RIF1: variants seen among roughly 807,000 people sequenced by gnomAD.
The protein encoded by RIF1 is replication timing regulatory factor 1, also known as telomere-associated protein RIF1.
RIF1 carries 45 observed loss-of-function variants against 247.1 expected under a neutral mutation model. That is an observed-to-expected ratio of 0.18 (90% CI 0.14 to 0.23). The LOEUF is 0.23. Among genes scored for constraint, RIF1 ranks in the 10% least tolerant of loss-of-function variants. RIF1 has a pLI of 1.00. For synonymous variants in RIF1, 1,087 were observed against 978.8 expected (o/e 1.11, Z -2.06); for missense variants, 2,967 against 2,862.5 (o/e 1.04, Z -0.83).
At chr2:151,505,776 C>A (rs2068360212) in intron 12 of RIF1, among the ~76,000 whole-genome samples, 1 of 152,170 alleles carries the variant, frequency 6.6e-6, no homozygotes, top group African/African-American at 2.4e-5. Context: ...TTGTCTCTCT[C>A]TCGTCTCTTT....
intron 21 of RIF1, 119 bp from the exon 22 acceptor site, chr2:151,454,775 CA>C (rs1479844004): frequency 3.0e-6 from 2 of 661,816 alleles, no homozygotes; most frequent in South Asian, 2.4e-5. Context: ...TGTCAGTCAG[CA>C]AACGGACATG....
At chr2:151,524,210 C>G in the RIF1 span, 1 of 989,048 alleles carries the variant, frequency 1.0e-6, no homozygotes, top group South Asian at 1.5e-5. Flanking sequence ...CTATTACAGA[C>G]CCAGCATCCC....
At chr2:151,491,987 G>GA in intron 9 of RIF1, 1 of 1,227,010 alleles carries the variant, frequency 8.1e-7, no homozygotes, top group Non-Finnish European at 1.2e-6. Flanking sequence ...TGCACCTCTA[G>GA]AAAAACAGAT....
chr2:151,466,078 A>T lies in RIF1; in HGVS notation c.6558A>T (p.Leu2186=), dbSNP rs760452886. 6 of 1,600,734 alleles carry T rather than the reference A, an allele frequency of 3.7e-6. No individual in the cohort carries two copies. In the South Asian group the frequency reaches 6.7e-5, roughly 18 times the overall value. Reference sequence around the variant, plus strand: ...CTACGAGCATTTTAAAGAGAGGACTAAAAAGATCCCAAGAAGATGAAATCT... The same window carrying T: ...CTACGAGCATTTTAAAGAGAGGACTTAAAAGATCCCAAGAAGATGAAATCT... ...SPSTSILKRG[L]KRSQEDEISS... The change falls in exon 30 of 36, where the codon CTA becomes CTT. Residue 2186 remains leucine (L), a synonymous_variant. Coordinates refer to ENST00000444746, the MANE Select transcript of RIF1 (RefSeq NM_018151.5).
chr2:151,498,378 CAAA>C, intron 10 of RIF1: 2 of 1,472,816 alleles, frequency 1.4e-6, no homozygotes, highest in South Asian at 2.5e-5. Context: ...GCATCCAGAA[CAAA>C]AAAAGCAATC....
At chr2:151,443,462 TTTG>T (rs1692719984) in intron 17 of RIF1, 64 bp from the exon 18 acceptor site, 10 of 1,438,612 alleles carry the variant, frequency 7.0e-6, no homozygotes, top group Non-Finnish European at 9.4e-6. Context: ...ATTTTAGAAT[TTTG>T]TTAACATTAA....
Position 151,465,231 on chromosome 2 carries a change from G to T in RIF1, c.5711G>T (p.Cys1904Phe), listed in dbSNP as rs1696724372. 6.2e-7 allele frequency: 1 copy of T among 1,610,606 alleles called. No individual in the cohort carries two copies. The highest frequency in any genetic ancestry group is 2.2e-5 in the East Asian group (1 of 44,848). ...LENVTVEGNA[C>F]KVTESNLEKA... ...AATGTTACTGTTGAAGGAAATGCATGTAAAGTAACAGAATCCAATCTAGAG... is the reference window on the plus strand; with the variant it reads ...AATGTTACTGTTGAAGGAAATGCATTTAAAGTAACAGAATCCAATCTAGAG... The change falls in exon 30 of 36, where the codon TGT becomes TTT. Residue 1904 changes from cysteine to phenylalanine, a missense_variant. This residue lies in a region of RIF1 where 2,028 missense variants were observed against 1,825.6 expected (regional missense o/e 1.11). Coordinates refer to ENST00000444746, the MANE Select transcript of RIF1 (RefSeq NM_018151.5).
chr2:151,463,643 G>A lies in RIF1; in HGVS notation c.4123G>A (p.Glu1375Lys), dbSNP rs763383423. The A allele has an allele frequency of 3.7e-6, 6 of 1,613,598 alleles. No homozygotes were observed. The Admixed American group carries it at 6.7e-5, about 18-fold the overall frequency. ...ATTATTGGAAACTAATACTGTAGAG[G>A]AGAAAAATGTAGAAATTAATTTGGA... ...AVLLETNTVE[E>K]KNVEINLESK... is the part of the protein sequence containing the mutation. The change falls in exon 30 of 36, where the codon GAG (glutamate) becomes AAG (lysine). Residue 1375 changes from glutamate (E) to lysine (K), a missense_variant. Around this residue, in one of 7 missense-constraint regions of RIF1, gnomAD observed 2,028 missense variants for 1,825.6 expected, o/e 1.11. Transcript: ENST00000444746.
chr2:151,519,014 T>C, the RIF1 span: 1 of 1,613,750 alleles, frequency 6.2e-7, no homozygotes, highest in Non-Finnish European at 8.5e-7. Flanking sequence ...GATCAGAGAC[T>C]CCTTCATGTC....
In RIF1 at chr2:151,475,859, T is replaced by A. The variant is rs1652028765; in HGVS notation, c.*788T>A. The A allele has an allele frequency of 6.6e-6, 1 of 152,654 alleles. No homozygotes were observed. The highest frequency in any genetic ancestry group is 6.5e-5 in the Admixed American group (1 of 15,278). The allele number at this position is 152,654 out of a possible 1,614,324, so 9.5% of individuals were successfully genotyped here. On this transcript the variant is annotated 3_prime_UTR_variant, in exon 36 of 36. Coordinates refer to ENST00000444746, the MANE Select transcript of RIF1 (RefSeq NM_018151.5). ...CTGCAGCTTATTGTGAATACCTTGGTTCTGTTCAATAGAAACATTTTGTAT... is the reference window on the plus strand; with the variant it reads ...CTGCAGCTTATTGTGAATACCTTGGATCTGTTCAATAGAAACATTTTGTAT...
chr2:151,448,187 G>A (rs1009485116), intron 20 of RIF1, among the ~76,000 whole-genome samples: 19 of 151,926 alleles, frequency 1.3e-4, no homozygotes, highest in African/African-American at 4.3e-4. Flanking sequence ...GGGACTACAG[G>A]TGTGCACCAC....
At chr2:151,519,599 A>G in the RIF1 span, 4 of 1,293,212 alleles carry the variant, frequency 3.1e-6, no homozygotes, top group Non-Finnish European at 4.5e-6. Context: ...TGCACACTTA[A>G]AAACAGTTAA....
intron 11 of RIF1, chr2:151,502,983 T>A: frequency 1.4e-6 from 1 of 695,646 alleles, no homozygotes; most frequent in South Asian, 1.8e-5. Flanking sequence ...GAGGAGGCAG[T>A]TTTTTAGTAA....
the RIF1 span, chr2:151,524,330 G>A: frequency 1.2e-6 from 2 of 1,613,800 alleles, no homozygotes; most frequent in Admixed American, 1.7e-5. Context: ...CAGCTTGGCT[G>A]CCTTCTTGGC....
intron 12 of RIF1, chr2:151,505,432 A>G: frequency 6.7e-7 from 1 of 1,485,462 alleles, no homozygotes; most frequent in South Asian, 1.1e-5. Context: ...GTAGCAATTG[A>G]GAGATGGCCA....
intron 20 of RIF1, among the ~76,000 whole-genome samples, chr2:151,447,433 A>C (rs1279441803): frequency 6.6e-6 from 1 of 152,244 alleles, no homozygotes; most frequent in Non-Finnish European, 1.5e-5. Context: ...AACTTTTCGT[A>C]AAACACTGTC....
intron 8 of RIF1, chr2:151,423,831 AT>A (rs1341121629): frequency 6.6e-6 from 1 of 152,226 alleles, no homozygotes; most frequent in Admixed American, 6.5e-5. Context: ...TGTTCTAACC[AT>A]TTGTAAATGA....
At chr2:151,458,035 AAT>A (rs1553490505) in intron 24 of RIF1, 72 bp downstream of exon 24, 2 of 1,109,098 alleles carry the variant, frequency 1.8e-6, no homozygotes, top group Non-Finnish European at 2.7e-6. Flanking sequence ...CTTTGATTCA[AAT>A]AATCTTTTCT....
At position 151,463,683 on chromosome 2, in the gene RIF1, C is replaced by T. The variant is rs1476339344; in HGVS notation, c.4163C>T (p.Thr1388Ile). 1 of 1,613,722 alleles carries T rather than the reference C, an allele frequency of 6.2e-7. No individual in the cohort carries two copies. The highest frequency in any genetic ancestry group is 8.5e-7 in the Non-Finnish European group (1 of 1,179,878). Residue 1388 changes from threonine to isoleucine, a missense_variant, in exon 30 of 36, where the codon ACA becomes ATA. By Grantham distance (89) the Thr-to-Ile change is moderately conservative. This residue lies in a region of RIF1 where 2,028 missense variants were observed against 1,825.6 expected (regional missense o/e 1.11). Coordinates refer to ENST00000444746, the MANE Select transcript of RIF1 (RefSeq NM_018151.5). ...VEINLESKEN[T>I]PPVVISADQM... ...ATTAATTTGGAATCCAAAGAGAATA[C>T]ACCCCCAGTAGTAATATCAGCAGAT...
Sources: allele counts gnomAD v4.1 joint callset (sites outside exome capture counted in the v4.1 genomes callset), GRCh38; gene constraint gnomAD v4.1.1; regional missense constraint gnomAD v4.1.1; transcripts MANE v1.5; gene names NCBI Gene and HGNC (gene_info 2026-07-23, HGNC 2026-07-21).